Variants in BBS9 observed in about 807,000 individuals in gnomAD.
BBS9 encodes the protein Bardet-Biedl syndrome 9, also known as protein PTHB1.
A neutral mutation model predicts 117.7 loss-of-function variants in BBS9; 89 were observed. The ratio of observed to expected loss-of-function variants is 0.76; its 90% CI spans 0.64 to 0.90. BBS9 has a LOEUF of 0.90. Among genes scored for constraint, BBS9 ranks in the 40% least tolerant of loss-of-function variants. BBS9 has a pLI of 0.00. For missense variants in BBS9, 982 were observed against 1,042.2 expected (o/e 0.94, Z 0.80); for synonymous variants, 379 against 370.9 (o/e 1.02, Z -0.25).
chr7:33,492,513 G>GTCACAGAT (rs1844129238), intron 19 of BBS9, among the ~76,000 whole-genome samples: 2 of 152,116 alleles, frequency 1.3e-5, no homozygotes, highest in South Asian at 4.2e-4. Flanking sequence ...ATTTTTTAAT[G>GTCACAGAT]TTTAGAGTTC....
At chr7:33,409,687 T>C (rs1400167850) in intron 19 of BBS9, among the ~76,000 whole-genome samples, 1 of 152,238 alleles carries the variant, frequency 6.6e-6, no homozygotes. Context: ...TGTTTATTTT[T>C]TAAAAATTAT....
chr7:33,369,651 C>T (rs1822486697), intron 17 of BBS9, among the ~76,000 whole-genome samples: 1 of 152,056 alleles, frequency 6.6e-6, no homozygotes, highest in Non-Finnish European at 1.5e-5. Context: ...AGAATCCTAC[C>T]TAGGAGATGC....
intron 20 of BBS9, 96 bp downstream of exon 20, chr7:33,505,741 A>G: frequency 3.0e-6 from 4 of 1,323,142 alleles, no homozygotes; most frequent in Non-Finnish European, 3.1e-6. Context: ...CTAAGGTATC[A>G]AATAAGGGTT....
At chr7:33,485,869 A>G (rs180674089) in intron 19 of BBS9, among the ~76,000 whole-genome samples, 1 of 152,284 alleles carries the variant, frequency 6.6e-6, no homozygotes, top group African/African-American at 2.4e-5. Flanking sequence ...TGGAATGGAG[A>G]TAGCTGGTCA....
intron 21 of BBS9, among the ~76,000 whole-genome samples, chr7:33,543,541 T>C (rs1852759262): frequency 6.6e-6 from 1 of 152,226 alleles, no homozygotes; most frequent in East Asian, 1.9e-4. Flanking sequence ...CCTAAGCCAA[T>C]GTCTAGATGT....
At chr7:33,606,118 A>G (rs1193785723), downstream of BBS9, 3 of 151,946 alleles carry the variant, frequency 2.0e-5, no homozygotes, top group East Asian at 1.9e-4. Flanking sequence ...GTTTTTCTAT[A>G]TGTGAAATGT....
chr7:33,271,904 T>C (rs1799866699), intron 7 of BBS9, among the ~76,000 whole-genome samples: 1 of 152,118 alleles, frequency 6.6e-6, no homozygotes, highest in African/African-American at 2.4e-5. Flanking sequence ...AACAGAATAT[T>C]CATTCTTCTC....
intron 21 of BBS9, among the ~76,000 whole-genome samples, chr7:33,574,769 G>T (rs9918626): frequency 0.37 from 54,983 of 150,340 alleles, 14,747 homozygotes; most frequent in African/African-American, 0.75. Flanking sequence ...TTTTATATAG[G>T]TTATGTGTAA....
intron 20 of BBS9, among the ~76,000 whole-genome samples, chr7:33,513,863 A>C (rs528553073): frequency 2.0e-5 from 3 of 152,336 alleles, no homozygotes; most frequent in Admixed American, 2.0e-4. Context: ...TATAGTGCTG[A>C]CAGACATATG....
intron 19 of BBS9, among the ~76,000 whole-genome samples, chr7:33,484,581 A>G (rs1200116872): frequency 6.6e-6 from 1 of 152,234 alleles, no homozygotes. Context: ...AGTCAAAACC[A>G]CAATGAGATA....
chr7:33,384,003 T>A (rs1468782794), intron 18 of BBS9, among the ~76,000 whole-genome samples, 165 bp downstream of exon 18: 1 of 152,232 alleles, frequency 6.6e-6, no homozygotes, highest in Non-Finnish European at 1.5e-5. Context: ...ACTTGCCCAG[T>A]TTGTGATCAA....
intron 1 of BBS9, among the ~76,000 whole-genome samples, chr7:33,143,419 T>G (rs1791835319): frequency 6.6e-6 from 1 of 152,118 alleles, no homozygotes; most frequent in African/African-American, 2.4e-5. Flanking sequence ...CAATCATCAT[T>G]CTTAGGTCGA....
At chr7:33,427,350 A>G (rs1220198338) in intron 19 of BBS9, among the ~76,000 whole-genome samples, 1 of 152,192 alleles carries the variant, frequency 6.6e-6, no homozygotes, top group African/African-American at 2.4e-5. Context: ...GGTGAGAGAT[A>G]AGAATAGAGT....
intron 5 of BBS9, among the ~76,000 whole-genome samples, chr7:33,214,553 A>G (rs1232077840): frequency 3.3e-5 from 5 of 152,166 alleles, no homozygotes; most frequent in Non-Finnish European, 7.3e-5. Flanking sequence ...AGGTGTTAAA[A>G]TTTGGTGTTC....
intron 19 of BBS9, among the ~76,000 whole-genome samples, chr7:33,393,816 G>A (rs1479539994): frequency 1.3e-5 from 2 of 152,096 alleles, no homozygotes; most frequent in South Asian, 4.1e-4. Flanking sequence ...TATTGTGGGT[G>A]GCAGCCTCTT....
intron 22 of BBS9, 27 bp from the exon 23 acceptor site, chr7:33,605,168 T>A (rs376704675): frequency 1.7e-4 from 267 of 1,599,564 alleles, no homozygotes; most frequent in Non-Finnish European, 2.1e-4. Context: ...TTTCTCTCTC[T>A]TTCTCTCTTA....
intron 19 of BBS9, among the ~76,000 whole-genome samples, chr7:33,466,181 C>T (rs1263856000): frequency 6.6e-6 from 1 of 152,070 alleles, no homozygotes; most frequent in African/African-American, 2.4e-5. Flanking sequence ...GATCAACTCT[C>T]TTAGCAAATT....
intron 19 of BBS9, among the ~76,000 whole-genome samples, chr7:33,486,671 C>T (rs903490967): frequency 5.9e-5 from 9 of 152,168 alleles, no homozygotes; most frequent in African/African-American, 2.2e-4. Context: ...CTGACCCAAA[C>T]TGGAAGTCAG....
chr7:33,574,698 C>CACTCAT (rs1858427812), intron 21 of BBS9, among the ~76,000 whole-genome samples: 1 of 138,732 alleles, frequency 7.2e-6, no homozygotes, highest in African/African-American at 3.0e-5. Flanking sequence ...CACACACACA[C>CACTCAT]ACACACACAC....
Sources: allele counts gnomAD v4.1 joint callset (sites outside exome capture counted in the v4.1 genomes callset), GRCh38; gene constraint gnomAD v4.1.1; transcripts MANE v1.5; gene names NCBI Gene and HGNC (gene_info 2026-07-23, HGNC 2026-07-21).